Variants in GRK5 observed in about 807,000 individuals in gnomAD.
GRK5 encodes the protein G protein-coupled receptor kinase 5, also known as g protein-coupled receptor kinase GRK5.
In GRK5, 40 loss-of-function variants were observed where a neutral mutation model predicts 78.4. That is an observed-to-expected ratio of 0.51 (90% CI 0.40 to 0.66). GRK5 has a LOEUF of 0.66. GRK5 is among the 30% of genes least tolerant of loss of function. GRK5 has a pLI of 0.00. For synonymous variants in GRK5, 289 were observed against 296.8 expected, an observed-to-expected ratio of 0.97 and a Z score of 0.27; for missense variants, 598 against 759.9, an observed-to-expected ratio of 0.79 and a Z score of 2.50.
intron 13 of GRK5, among the ~76,000 whole-genome samples, chr10:119,451,884 T>C (rs1251200211): frequency 6.6e-6 from 1 of 152,058 alleles, no homozygotes; most frequent in Non-Finnish European, 1.5e-5. Flanking sequence ...AAGCAGGAGG[T>C]AGCCTCTACC....
rs1165537070 is a variant in GRK5 at position 119,217,874 on chromosome 10, T to C, written c.52+9905T>C. ...GCAGGCTCAGGTTTCTGCAGCTCTC[T>C]TTACTTACTACCCAAGTAGGGGGTT... is the stretch of plus-strand genomic sequence containing the variant. On this transcript the variant is annotated intron_variant, in intron 1 of 15. Coordinates refer to ENST00000392870, the MANE Select transcript of GRK5 (RefSeq NM_005308.3). The surrounding 1 kb of genome is among the most constrained non-coding windows in gnomAD (Gnocchi z 4.1). 6.6e-6 allele frequency among the ~76,000 whole-genome samples: 1 copy of C among 152,134 alleles called. No homozygotes were observed. The highest frequency in any genetic ancestry group is 1.5e-5 in the Non-Finnish European group (1 of 68,018).
intron 1 of GRK5, among the ~76,000 whole-genome samples, chr10:119,298,178 C>T (rs545757428): frequency 6.6e-6 from 1 of 152,326 alleles, no homozygotes; most frequent in South Asian, 2.1e-4. Flanking sequence ...TGATGCAGCT[C>T]TCTGAGGTCA....
In GRK5 at chr10:119,389,160, T is replaced by G. The variant is rs182593875; in HGVS notation, c.262-7535T>G. Among the ~76,000 whole-genome samples the G allele has an allele frequency of 2.0e-4, 30 of 152,362 alleles. No individual in the cohort carries two copies. The East Asian group carries it at 4.8e-3, about 24-fold the overall frequency. On this transcript the variant is annotated intron_variant, in intron 3 of 15. Transcript: ENST00000392870. ...AGGTTACAACAAATGAAATCTCATA[T>G]AGGAAATGCTAAGAGGCATTCCTAT...
At chr10:119,324,543 G>A (rs942112249) in intron 1 of GRK5, among the ~76,000 whole-genome samples, 2 of 152,148 alleles carry the variant, frequency 1.3e-5, no homozygotes, top group African/African-American at 4.8e-5. Flanking sequence ...CAGGAGGATC[G>A]CTTGAACCCG....
chr10:119,337,918 G>T (rs1251782200), intron 2 of GRK5, among the ~76,000 whole-genome samples: 2 of 152,046 alleles, frequency 1.3e-5, no homozygotes, highest in Admixed American at 6.6e-5. Context: ...CACCACACCT[G>T]GCCAAGTTTC....
chr10:119,327,773 C>T (rs1850704504), intron 2 of GRK5, among the ~76,000 whole-genome samples: 1 of 152,184 alleles, frequency 6.6e-6, no homozygotes, highest in African/African-American at 2.4e-5. Flanking sequence ...CATCTGTGCC[C>T]CGCCCCACGA....
intron 3 of GRK5, among the ~76,000 whole-genome samples, chr10:119,388,813 G>A (rs921163050): frequency 5.3e-5 from 8 of 152,226 alleles, no homozygotes; most frequent in East Asian, 3.8e-4. Context: ...AGGCTTGACC[G>A]TAGCTGGAGG....
rs1036833967 is a variant in GRK5 at position 119,431,995 on chromosome 10, A to G, written c.738+468A>G. 2.0e-5 allele frequency among the ~76,000 whole-genome samples: 3 copies of G among 152,224 alleles called. No individual in the cohort carries two copies. The highest frequency in any genetic ancestry group is 1.3e-4 in the Admixed American group (2 of 15,290). ...CCTGCTGCAGTAACACATTTGCCCC[A>G]AACCCTAAGTAGCTAAATACAGCAG... On this transcript the variant is annotated intron_variant, in intron 8 of 15. Transcript: ENST00000392870. The surrounding 1 kb of genome is among the most constrained non-coding windows in gnomAD (Gnocchi z 4.8).
chr10:119,426,291 C>T (rs1852675225), intron 6 of GRK5, among the ~76,000 whole-genome samples: 1 of 152,254 alleles, frequency 6.6e-6, no homozygotes, highest in Non-Finnish European at 1.5e-5. Flanking sequence ...CTCCACCTGA[C>T]TGGTGGGGAT....
At chr10:119,397,885 A>T (rs1852083428) in intron 4 of GRK5, among the ~76,000 whole-genome samples, 1 of 152,252 alleles carries the variant, frequency 6.6e-6, no homozygotes, top group Admixed American at 6.5e-5. Flanking sequence ...CACAGTCGCC[A>T]TCACCTTGTT....
chr10:119,453,328 T>G, intron 15 of GRK5, 52 bp downstream of exon 15: 1 of 1,606,670 alleles, frequency 6.2e-7, no homozygotes, highest in Non-Finnish European at 8.5e-7. Flanking sequence ...GACCCCTGGC[T>G]CACTTCCATG....
At chr10:119,323,733 G>A (rs1460174594) in intron 1 of GRK5, among the ~76,000 whole-genome samples, 2 of 152,190 alleles carry the variant, frequency 1.3e-5, no homozygotes. Context: ...GGGGGAACAG[G>A]TGGTGTTTGG....
intron 1 of GRK5, among the ~76,000 whole-genome samples, chr10:119,294,130 C>T (rs1272864715): frequency 6.6e-6 from 1 of 152,136 alleles, no homozygotes; most frequent in African/African-American, 2.4e-5. Flanking sequence ...GGGAGGAAAG[C>T]GTACCTGGAT....
chr10:119,444,565 C>A (rs1355112248), intron 12 of GRK5, among the ~76,000 whole-genome samples: 1 of 152,196 alleles, frequency 6.6e-6, no homozygotes, highest in Admixed American at 6.5e-5. Context: ...GGGCCCTCCT[C>A]CTTATGGTCC....
At chr10:119,422,154 G>C (rs1852582386) in intron 4 of GRK5, among the ~76,000 whole-genome samples, 2 of 151,788 alleles carry the variant, frequency 1.3e-5, no homozygotes, top group South Asian at 2.1e-4. Flanking sequence ...CAGCTGGTGA[G>C]TCAGCCCCTG....
intron 4 of GRK5, among the ~76,000 whole-genome samples, chr10:119,403,983 C>A (rs985723463): frequency 1.3e-5 from 2 of 152,158 alleles, no homozygotes; most frequent in Admixed American, 1.3e-4. Flanking sequence ...AATAATAATG[C>A]TGTGAAAATG....
intron 2 of GRK5, among the ~76,000 whole-genome samples, chr10:119,364,104 C>T (rs944976754): frequency 9.2e-5 from 14 of 152,152 alleles, no homozygotes; most frequent in African/African-American, 3.4e-4. Flanking sequence ...ATTCTCTGGG[C>T]CTAGCACAGT....
chr10:119,214,315 A>T (rs1434868528), intron 1 of GRK5, among the ~76,000 whole-genome samples: 1 of 152,134 alleles, frequency 6.6e-6, no homozygotes, highest in Non-Finnish European at 1.5e-5. Flanking sequence ...GTGTGAACAG[A>T]ACTGGATTTT....
At chr10:119,293,124 T>C (rs921137111) in intron 1 of GRK5, among the ~76,000 whole-genome samples, 9 of 152,200 alleles carry the variant, frequency 5.9e-5, no homozygotes, top group Admixed American at 2.6e-4. Flanking sequence ...TAAGCTGTTG[T>C]TTAAGGTTAT....
Sources: gnomAD v4.1 joint callset for allele counts (sites outside exome capture counted in the v4.1 genomes callset) on GRCh38, gnomAD v4.1.1 for gene constraint, Gnocchi (gnomAD v3.1) non-coding constraint, MANE v1.5 for transcripts, NCBI Gene and HGNC (gene_info 2026-07-23, HGNC 2026-07-21) for gene names.